Variants in NOS1AP observed in about 807,000 individuals in gnomAD.
The protein encoded by NOS1AP is nitric oxide synthase 1 adaptor protein, also known as carboxyl-terminal PDZ ligand of neuronal nitric oxide synthase protein.
A neutral mutation model predicts 56.2 loss-of-function variants in NOS1AP; 21 were observed. The ratio of observed to expected loss-of-function variants is 0.37; its 90% CI spans 0.26 to 0.54. The LOEUF (loss-of-function observed/expected upper bound fraction) is 0.54, where lower values mean the gene tolerates loss of function less well. Ranked by LOEUF, NOS1AP falls within the 20% of genes least tolerant of loss-of-function variation. The probability of loss-of-function intolerance (pLI) is 0.84; values close to 1 mark genes in which losing one functional copy is unlikely to be tolerated. For synonymous variants in NOS1AP, 270 were observed against 274.6 expected, an observed-to-expected ratio of 0.98 and a Z score of 0.17; for missense variants, 522 against 657.8, an observed-to-expected ratio of 0.79 and a Z score of 2.26.
At chr1:162,204,089 C>T (rs990822646) in intron 2 of NOS1AP, among the ~76,000 whole-genome samples, 1 of 151,676 alleles carries the variant, frequency 6.6e-6, no homozygotes, top group Non-Finnish European at 1.5e-5. Context: ...AGTGCGTGCC[C>T]ATTTGTGCTG....
chr1:162,123,299 G>A (rs988875243), intron 1 of NOS1AP, among the ~76,000 whole-genome samples: 3 of 152,150 alleles, frequency 2.0e-5, no homozygotes, highest in African/African-American at 4.8e-5. Context: ...AGCTGGCTGG[G>A]TAGCTGGGAC....
intron 2 of NOS1AP, among the ~76,000 whole-genome samples, chr1:162,263,543 T>C (rs1230683364): frequency 6.6e-6 from 1 of 152,240 alleles, no homozygotes; most frequent in Non-Finnish European, 1.5e-5. Context: ...TATTTTGGTC[T>C]GTATAATGGC....
intron 5 of NOS1AP, among the ~76,000 whole-genome samples, chr1:162,337,724 A>G (rs1432103549): frequency 6.6e-6 from 1 of 152,216 alleles, no homozygotes; most frequent in Non-Finnish European, 1.5e-5. Context: ...ATCTGTTGGA[A>G]ACTTTAAGAT....
intron 2 of NOS1AP, among the ~76,000 whole-genome samples, chr1:162,229,985 G>A (rs563489825): frequency 5.3e-5 from 8 of 152,170 alleles, no homozygotes; most frequent in African/African-American, 1.9e-4. Context: ...TTATTAACTA[G>A]TAAATGAAAA....
intron 6 of NOS1AP, among the ~76,000 whole-genome samples, chr1:162,344,660 A>G (rs1449551418): frequency 6.6e-6 from 1 of 151,890 alleles, no homozygotes; most frequent in African/African-American, 2.4e-5. Context: ...GCAGTGAGCC[A>G]AGATTGTGCC....
chr1:162,245,597 T>C (rs1270451996), intron 2 of NOS1AP, among the ~76,000 whole-genome samples: 1 of 152,226 alleles, frequency 6.6e-6, no homozygotes, highest in Non-Finnish European at 1.5e-5. Context: ...TGAACCTTCA[T>C]AGCAGCTTTA....
intron 2 of NOS1AP, among the ~76,000 whole-genome samples, chr1:162,165,599 G>C (rs1650454850): frequency 6.6e-6 from 1 of 152,142 alleles, no homozygotes; most frequent in South Asian, 2.1e-4. Context: ...TTCTAAGCTT[G>C]AACGTGGTAT....
intron 4 of NOS1AP, among the ~76,000 whole-genome samples, chr1:162,328,242 G>T (rs916852593): frequency 1.3e-5 from 2 of 152,188 alleles, no homozygotes; most frequent in Non-Finnish European, 2.9e-5. Flanking sequence ...GCATCAGGAA[G>T]AATAGCTAAT....
intron 6 of NOS1AP, among the ~76,000 whole-genome samples, chr1:162,347,591 C>T (rs972513542): frequency 5.3e-5 from 8 of 152,150 alleles, no homozygotes; most frequent in Admixed American, 3.3e-4. Flanking sequence ...TTTATGTAAA[C>T]AACACCAAGG....
At chr1:162,156,609 TTAA>T (rs1418295996) in intron 2 of NOS1AP, among the ~76,000 whole-genome samples, 10 of 152,164 alleles carry the variant, frequency 6.6e-5, no homozygotes, top group Non-Finnish European at 1.3e-4. Flanking sequence ...AAGTCCCTTT[TTAA>T]TTCACTTTTG....
At chr1:162,286,510 T>C (rs1003192033) in intron 2 of NOS1AP, among the ~76,000 whole-genome samples, 1 of 152,224 alleles carries the variant, frequency 6.6e-6, no homozygotes, top group South Asian at 2.1e-4. Flanking sequence ...CTGAGGAAAA[T>C]GTAGAATTAT....
chr1:162,214,261 G>T (rs950440103), intron 2 of NOS1AP, among the ~76,000 whole-genome samples: 1 of 123,514 alleles, frequency 8.1e-6, no homozygotes, highest in Non-Finnish European at 1.9e-5. Context: ...TTGTTCATTC[G>T]TTCGTTCGTT....
intron 5 of NOS1AP, among the ~76,000 whole-genome samples, chr1:162,333,779 G>T (rs1450830761): frequency 2.0e-5 from 3 of 152,128 alleles, no homozygotes; most frequent in Non-Finnish European, 2.9e-5. Context: ...AATGTGTTCT[G>T]TAAAACATTT....
chr1:162,316,336 G>C (rs1481386546), intron 4 of NOS1AP, among the ~76,000 whole-genome samples: 2 of 152,208 alleles, frequency 1.3e-5, no homozygotes, highest in Admixed American at 1.3e-4. Context: ...ACTTTGTTCA[G>C]CTTTGCTCAG....
chr1:162,081,773 TA>T (rs200558586), intron 1 of NOS1AP, among the ~76,000 whole-genome samples: 23,069 of 74,398 alleles, frequency 0.31, 3,775 homozygotes, highest in South Asian at 0.56. Flanking sequence ...TATATATATA[TA>T]TTTTTTTTTT....
intron 1 of NOS1AP, among the ~76,000 whole-genome samples, chr1:162,110,814 G>A (rs186105582): frequency 1.5e-3 from 222 of 152,266 alleles, no homozygotes; most frequent in African/African-American, 4.9e-3. Context: ...TGTATTTGCT[G>A]TGTGACATTG....
chr1:162,306,565 G>A (rs759613246), intron 4 of NOS1AP, among the ~76,000 whole-genome samples: 30 of 152,106 alleles, frequency 2.0e-4, no homozygotes, highest in Non-Finnish European at 3.7e-4. Context: ...GAGTTGACCC[G>A]GTATAAAACC....
chr1:162,099,256 C>T (rs547045356), intron 1 of NOS1AP, among the ~76,000 whole-genome samples: 9 of 150,198 alleles, frequency 6.0e-5, no homozygotes, highest in East Asian at 1.9e-4. Context: ...GGCACGACCT[C>T]GGCTCACTGC....
At chr1:162,340,584 G>A (rs1223825003) in intron 5 of NOS1AP, among the ~76,000 whole-genome samples, 1 of 152,170 alleles carries the variant, frequency 6.6e-6, no homozygotes, top group Non-Finnish European at 1.5e-5. Context: ...CTATATGCCA[G>A]GCACTGTGGT....
Sources: gnomAD v4.1 joint callset for allele counts (sites outside exome capture counted in the v4.1 genomes callset) on GRCh38, gnomAD v4.1.1 for gene constraint, MANE v1.5 for transcripts, NCBI Gene and HGNC (gene_info 2026-07-23, HGNC 2026-07-21) for gene names.